The following NCOR2 variants were observed in gnomAD, a reference collection of about 807,000 sequenced individuals.
NCOR2 encodes the protein nuclear receptor corepressor 2, also known as CTG repeat protein 26.
A neutral mutation model predicts 262.9 loss-of-function variants in NCOR2; 81 were observed. The ratio of observed to expected loss-of-function variants is 0.31; its 90% confidence interval spans 0.26 to 0.37. NCOR2 has a LOEUF of 0.37. NCOR2 is among the 10% of genes least tolerant of loss of function. The pLI, the probability that NCOR2 is intolerant of heterozygous loss-of-function variation, is 1.00. For synonymous variants in NCOR2, 1,659 were observed against 1,559.3 expected (o/e 1.06, Z -1.51); for missense variants, 3,385 against 3,621.4 (o/e 0.93, Z 1.68).
At chr12:124,474,799 C>G (rs2047011260) in intron 3 of NCOR2, among the ~76,000 whole-genome samples, 2 of 152,274 alleles carry the variant, frequency 1.3e-5, no homozygotes, top group Non-Finnish European at 2.9e-5. Context: ...GCTCCAGAAC[C>G]CAGCCCCCGC....
At position 124,457,062 on chromosome 12, in the gene NCOR2, A is replaced by ACCCCCC; in HGVS notation, c.762+43_762+44insGGGGGG. On this transcript the variant is annotated intron_variant, in intron 6 of 46. Coordinates refer to ENST00000405201, the Ensembl canonical transcript of NCOR2. The surrounding 1 kb of genome is among the most constrained non-coding windows in gnomAD (Gnocchi z 4.0). ...CGCCTCCCTGCCCACCTCTCCAGCC[A>ACCCCCC]CCCCCGCCCTCCCCTGAGCCCCTGA... is the stretch of plus-strand genomic sequence containing the variant. The ACCCCCC allele has an allele frequency of 5.7e-6, 2 of 351,060 alleles. No homozygotes were observed. The highest frequency in any genetic ancestry group is 4.8e-6 in the Non-Finnish European group (1 of 210,316). 21.7% of individuals were successfully genotyped at this position (351,060 alleles called of 1,614,324 possible).
intron 6 of NCOR2, among the ~76,000 whole-genome samples, chr12:124,455,995 C>T (rs370673613): frequency 6.6e-6 from 1 of 152,234 alleles, no homozygotes; most frequent in African/African-American, 2.4e-5. Flanking sequence ...CCTGCCTCAG[C>T]CTCCCAAGTA....
In NCOR2 at chr12:124,518,684, C is replaced by T. The variant is rs138107325; in HGVS notation, c.-118+16881G>A. On this transcript the variant is annotated intron_variant, in intron 1 of 46. Coordinates refer to the NCOR2 transcript ENST00000404621. ...AATAATTCCTCATCGCCATGGTAAC[C>T]CTGGCGGGCTTCCAGCCGACACTCG... Among the ~76,000 whole-genome samples, 430 of 152,392 alleles carry T rather than the reference C, an allele frequency of 2.8e-3. 1 individual carries two copies. Among genetic ancestry groups the T allele is most frequent in the Non-Finnish European group, 5.2e-3 (354 of 68,040 alleles).
intron 5 of NCOR2, among the ~76,000 whole-genome samples, chr12:124,464,366 AG>A (rs963900253): frequency 1.5e-4 from 23 of 152,200 alleles, no homozygotes; most frequent in African/African-American, 5.5e-4. Context: ...AGGATCAGAG[AG>A]GGCAGGTAGA....
chr12:124,383,962 G>A (rs1437334695), intron 17 of NCOR2, among the ~76,000 whole-genome samples: 1 of 152,196 alleles, frequency 6.6e-6, no homozygotes, highest in African/African-American at 2.4e-5. Flanking sequence ...GCCAGGCTGT[G>A]TGGCAGCAGG....
chr12:124,398,050 C>T, intron 16 of NCOR2, 69 bp downstream of exon 18: 7 of 1,578,576 alleles, frequency 4.4e-6, no homozygotes, highest in Non-Finnish European at 6.1e-6. Flanking sequence ...CAACACCCTC[C>T]CCAGCACGTG....
At position 124,483,001 on chromosome 12, in the gene NCOR2, G is replaced by A. The variant is rs1428490534; in HGVS notation, c.411+595C>T. On this transcript the variant is annotated intron_variant, in intron 3 of 46. Coordinates refer to ENST00000405201, the Ensembl canonical transcript of NCOR2. This position sits in a 1 kb window ranked among gnomAD's most constrained non-coding sequence, Gnocchi z 6.3. ...GTCTCATCTCACTTTGCGGGACTCT[G>A]GAGTCTCCCCTCCCTGACCCTTAAG... is the stretch of plus-strand genomic sequence containing the variant. 2.0e-5 allele frequency among the ~76,000 whole-genome samples: 3 copies of A among 152,096 alleles called. No individual in the cohort carries two copies. Among genetic ancestry groups the A allele is most frequent in the African/African-American group, 7.2e-5 (3 of 41,404 alleles).
At chr12:124,496,628 T>G (rs557803121), upstream of NCOR2, among the ~76,000 whole-genome samples, 7 of 152,214 alleles carry the variant, frequency 4.6e-5, 1 homozygote, top group East Asian at 1.2e-3. The surrounding 1 kb of genome is among the most constrained non-coding windows in gnomAD (Gnocchi z 4.4). Context: ...GGAAAGCCCT[T>G]GGAGGCCTAA....
chr12:124,441,974 G>A (rs1031104525), intron 7 of NCOR2, among the ~76,000 whole-genome samples: 13 of 152,192 alleles, frequency 8.5e-5, no homozygotes, highest in Non-Finnish European at 5.9e-5. Context: ...AAGCCGTCAC[G>A]GGCTGGAGAC....
intron 13 of NCOR2, 150 bp from the exon 16 acceptor site, chr12:124,402,711 C>T: frequency 7.0e-7 from 1 of 1,425,950 alleles, no homozygotes; most frequent in Non-Finnish European, 9.4e-7. Context: ...AACCGGGAAG[C>T]CAGGCCCCAC....
chr12:124,468,166 T>C (rs1312516327), intron 4 of NCOR2, among the ~76,000 whole-genome samples: 4 of 38,258 alleles, frequency 1.0e-4, no homozygotes, highest in Non-Finnish European at 9.6e-5. Context: ...CTCATCACCC[T>C]CTTCACCCTC....
At position 124,429,606 on chromosome 12, in the gene NCOR2, G is replaced by A. The variant is rs1468813873; in HGVS notation, c.1149+7C>T. The A allele has an allele frequency of 6.3e-7, 1 of 1,594,870 alleles. No homozygotes were observed. The highest frequency in any genetic ancestry group is 8.5e-7 in the Non-Finnish European group (1 of 1,170,288). Reference sequence around the variant, plus strand: ...GAGCTGAGGCCAGAGTCAGGGCCTGGACTCACCTCCTGCTCTGAGAGGCCA... The same window carrying A: ...GAGCTGAGGCCAGAGTCAGGGCCTGAACTCACCTCCTGCTCTGAGAGGCCA... On this transcript the variant is annotated splice_region_variant and intron_variant, in intron 10 of 46. Coordinates refer to ENST00000405201, the Ensembl canonical transcript of NCOR2.
intron 26 of NCOR2, 33 bp downstream of exon 28, chr12:124,354,445 G>C (rs772380342): frequency 6.8e-7 from 1 of 1,461,890 alleles, no homozygotes; most frequent in African/African-American, 1.4e-5. Flanking sequence ...AACAGGGGCA[G>C]ATGCTGGGGG....
At chr12:124,354,616 G>A in intron 25 of NCOR2, 34 bp from the exon 28 acceptor site, 1 of 1,485,964 alleles carries the variant, frequency 6.7e-7, no homozygotes, top group Non-Finnish European at 9.0e-7. Flanking sequence ...GTCACGTGCT[G>A]CCGGAGCAGG....
At chr12:124,534,209 C>A (rs908583268) in intron 1 of NCOR2, among the ~76,000 whole-genome samples, 1 of 152,170 alleles carries the variant, frequency 6.6e-6, no homozygotes, top group African/African-American at 2.4e-5. Context: ...GTCATCCCAG[C>A]ACTTTGGGAG....
upstream of NCOR2, chr12:124,495,262 G>A (rs758047941): frequency 1.5e-5 from 24 of 1,609,126 alleles, no homozygotes; most frequent in African/African-American, 1.6e-4. The surrounding 1 kb of genome is among the most constrained non-coding windows in gnomAD (Gnocchi z 4.4). Flanking sequence ...GGTGGTGGGG[G>A]TCGGCGGGGA....
At chr12:124,344,614 G>A (rs139412138) in exon 32 of NCOR2, 33 of 1,454,412 alleles carry the variant, frequency 2.3e-5, no homozygotes, top group Admixed American at 5.3e-5. Context: ...CAGGCGCGGC[G>A]TGGGCTCCCG....
intron 1 of NCOR2, among the ~76,000 whole-genome samples, chr12:124,487,487 C>A (rs75913220): frequency 6.6e-6 from 1 of 152,256 alleles, no homozygotes; most frequent in Non-Finnish European, 1.5e-5. Context: ...CCTCTCTCTA[C>A]GGGGCCTCGG....
chr12:124,368,019 C>T (rs1163951990), intron 20 of NCOR2, among the ~76,000 whole-genome samples: 1 of 152,210 alleles, frequency 6.6e-6, no homozygotes, highest in Non-Finnish European at 1.5e-5. Flanking sequence ...GGGCCTGGCA[C>T]AGAGTATGTG....
Sources: allele counts gnomAD v4.1 joint callset (sites outside exome capture counted in the v4.1 genomes callset), GRCh38; gene constraint gnomAD v4.1.1; non-coding constraint Gnocchi (gnomAD v3.1); transcripts MANE v1.5; gene names NCBI Gene and HGNC (gene_info 2026-07-23, HGNC 2026-07-21).